The following CNBD1 variants were observed in gnomAD, a reference collection of about 807,000 sequenced individuals.
The protein encoded by CNBD1 is cyclic nucleotide binding domain containing 1, also known as cyclic nucleotide-binding domain-containing protein 1.
CNBD1 carries 71 observed loss-of-function variants against 54.4 expected under a neutral mutation model. That is an observed-to-expected ratio of 1.30 (90% CI 1.08 to 1.59). The LOEUF is 1.59. Ranked by LOEUF, CNBD1 falls within the 40% of genes most tolerant of loss-of-function variation. CNBD1 has a pLI of 0.00. For synonymous variants in CNBD1, 182 were observed against 170.7 expected, an observed-to-expected ratio of 1.07 and a Z score of -0.51; for missense variants, 659 against 518.0, an observed-to-expected ratio of 1.27 and a Z score of -2.64.
chr8:86,961,519 A>G (rs1444864793), intron 4 of CNBD1, among the ~76,000 whole-genome samples: 1 of 152,238 alleles, frequency 6.6e-6, no homozygotes, highest in African/African-American at 2.4e-5. Context: ...ACTGTGAGAG[A>G]AAATTCTAAG....
intron 8 of CNBD1, among the ~76,000 whole-genome samples, chr8:87,314,652 A>T (rs2130893661): frequency 6.6e-6 from 1 of 152,180 alleles, no homozygotes; most frequent in South Asian, 2.1e-4. Context: ...TATCTATGGA[A>T]AGTCAATGAC....
chr8:87,216,409 C>T lies in CNBD1; in HGVS notation c.577+10271C>T, dbSNP rs1255373815. ...TATATCATACACGTACACTACACAA[C>T]TTCAGAAATATAATTTACCTGTGTT... On this transcript the variant is annotated intron_variant, in intron 5 of 10. Transcript: ENST00000518476. Among the ~76,000 whole-genome samples the T allele has an allele frequency of 1.3e-5, 2 of 152,136 alleles. 1 individual carries two copies. The highest frequency in any genetic ancestry group is 6.3e-3 in the Middle Eastern group (2 of 316).
intron 10 of CNBD1, among the ~76,000 whole-genome samples, chr8:87,362,190 G>A (rs1304345545): frequency 6.6e-6 from 1 of 152,100 alleles, no homozygotes; most frequent in African/African-American, 2.4e-5. Flanking sequence ...CCTGTGAGGA[G>A]TCTCCATACA....
At chr8:87,149,319 TG>T (rs1459079831) in intron 4 of CNBD1, among the ~76,000 whole-genome samples, 2 of 152,202 alleles carry the variant, frequency 1.3e-5, no homozygotes, top group South Asian at 2.1e-4. Flanking sequence ...GTCAGACTAT[TG>T]GCAAGAATTT....
intron 10 of CNBD1, among the ~76,000 whole-genome samples, chr8:87,356,612 G>A (rs1182926544): frequency 6.6e-6 from 1 of 152,114 alleles, no homozygotes; most frequent in Non-Finnish European, 1.5e-5. Flanking sequence ...TCATATATGA[G>A]CATAAAAGAT....
chr8:86,987,991 T>C (rs952109588), intron 4 of CNBD1, among the ~76,000 whole-genome samples: 4 of 152,156 alleles, frequency 2.6e-5, no homozygotes, highest in African/African-American at 9.7e-5. Flanking sequence ...GATTTTGGTA[T>C]CAGGCTGACG....
chr8:86,897,064 A>C (rs993248535), intron 2 of CNBD1, among the ~76,000 whole-genome samples: 15 of 152,230 alleles, frequency 9.9e-5, no homozygotes, highest in African/African-American at 3.6e-4. Flanking sequence ...GCTGCTGGAA[A>C]AGTGGCAGAT....
At chr8:87,175,678 G>A (rs997499019) in intron 4 of CNBD1, among the ~76,000 whole-genome samples, 1 of 152,166 alleles carries the variant, frequency 6.6e-6, no homozygotes, top group African/African-American at 2.4e-5. Context: ...GCCATCAGTT[G>A]TATTGCCTGG....
At chr8:87,043,630 A>C (rs1042714303) in intron 4 of CNBD1, among the ~76,000 whole-genome samples, 1 of 152,128 alleles carries the variant, frequency 6.6e-6, no homozygotes, top group East Asian at 1.9e-4. Context: ...TATGCTCATC[A>C]CATAGGAGCT....
intron 6 of CNBD1, among the ~76,000 whole-genome samples, chr8:87,283,916 A>G (rs1563537453): frequency 6.6e-6 from 1 of 152,012 alleles, no homozygotes. Flanking sequence ...AATTTCCTCT[A>G]TATATTTGGA....
chr8:87,384,112 A>T (rs1375172805), downstream of CNBD1, among the ~76,000 whole-genome samples: 2 of 152,102 alleles, frequency 1.3e-5, no homozygotes, highest in Admixed American at 6.6e-5. Flanking sequence ...ATACTGATTG[A>T]ATAATATAAA....
chr8:87,329,923 A>G (rs1259764361), intron 8 of CNBD1, among the ~76,000 whole-genome samples: 5 of 152,124 alleles, frequency 3.3e-5, no homozygotes, highest in Admixed American at 6.5e-5. Context: ...GACTTCCAGT[A>G]TAATGTTAAA....
chr8:87,186,480 T>G (rs941419244), intron 4 of CNBD1, among the ~76,000 whole-genome samples: 1 of 152,092 alleles, frequency 6.6e-6, no homozygotes, highest in Non-Finnish European at 1.5e-5. Flanking sequence ...TCCTTTTCCA[T>G]ATCTACTTCA....
chr8:87,073,135 G>C (rs187829948), intron 4 of CNBD1, among the ~76,000 whole-genome samples: 1 of 151,708 alleles, frequency 6.6e-6, no homozygotes, highest in African/African-American at 2.4e-5. Context: ...GAATTGTGAA[G>C]TTCTCAGGTC....
intron 2 of CNBD1, among the ~76,000 whole-genome samples, chr8:87,394,146 A>G (rs1439803341): frequency 1.3e-5 from 2 of 151,916 alleles, no homozygotes; most frequent in Admixed American, 6.6e-5. Flanking sequence ...CACATAGAAT[A>G]TTTTATGAGC....
At chr8:87,175,950 G>A (rs1290897609) in intron 4 of CNBD1, among the ~76,000 whole-genome samples, 2 of 152,164 alleles carry the variant, frequency 1.3e-5, no homozygotes, top group Non-Finnish European at 2.9e-5. Flanking sequence ...CCCCTCCATT[G>A]GTGGGGGTCA....
intron 2 of CNBD1, among the ~76,000 whole-genome samples, chr8:87,421,410 G>A (rs1469320012): frequency 7.1e-6 from 1 of 140,938 alleles, no homozygotes; most frequent in Non-Finnish European, 1.6e-5. Flanking sequence ...ATCTCCCAAT[G>A]CTCTCCCTCC....
chr8:87,379,833 C>A (rs1811038263), intron 10 of CNBD1, among the ~76,000 whole-genome samples: 1 of 151,738 alleles, frequency 6.6e-6, no homozygotes, highest in Non-Finnish European at 1.5e-5. Context: ...ATTATAAAAA[C>A]ACAGGTATAA....
intron 1 of CNBD1, among the ~76,000 whole-genome samples, chr8:86,870,000 T>A (rs973132019): frequency 6.6e-5 from 10 of 151,962 alleles, no homozygotes; most frequent in Non-Finnish European, 1.2e-4. Context: ...GGTTTAAAAA[T>A]ATGCTTTACA....
Sources: gnomAD v4.1 joint callset for allele counts (sites outside exome capture counted in the v4.1 genomes callset) on GRCh38, gnomAD v4.1.1 for gene constraint, MANE v1.5 for transcripts, NCBI Gene and HGNC (gene_info 2026-07-23, HGNC 2026-07-21) for gene names.